Variants in CLCN1 observed in about 807,000 individuals in gnomAD.
CLCN1 encodes chloride channel protein 1.
Under a neutral mutation model 114.5 loss-of-function variants are expected in CLCN1, and 100 were observed. The observed-to-expected ratio is 0.87, with a 90% confidence interval of 0.74 to 1.03. The LOEUF is 1.03. Ranked by LOEUF, CLCN1 falls within the 50% of genes least tolerant of loss-of-function variation. The pLI is 0.00. For missense variants in CLCN1, 1,188 were observed against 1,250.0 expected (o/e 0.95, Z 0.75); for synonymous variants, 485 against 487.1 (o/e 1.00, Z 0.06).
Position 143,327,671 on chromosome 7 carries a change from T to C in CLCN1, c.854-3101T>C, listed in dbSNP as rs575467537. The stretch of plus-strand genomic sequence containing the variant: ...GGTGATTAATTTTATTTTTTTCTTT[T>C]TGAGAGAGGGCCTTGCTCTGTGGCC... On this transcript the variant is annotated intron_variant, in intron 7 of 22. Coordinates refer to ENST00000343257, the MANE Select transcript of CLCN1 (RefSeq NM_000083.3). Among the ~76,000 whole-genome samples the C allele has an allele frequency of 1.6e-4, 25 of 152,280 alleles. No homozygotes were observed. In the South Asian group the frequency reaches 5.0e-3, roughly 30 times the overall value.
chr7:143,332,055 G>C (rs1399627230), intron 10 of CLCN1, among the ~76,000 whole-genome samples: 1 of 152,056 alleles, frequency 6.6e-6, no homozygotes, highest in African/African-American at 2.4e-5. Context: ...TCTCGAACTT[G>C]TGACCTCAGG....
chr7:143,321,539 G>A lies in CLCN1; in HGVS notation c.562+46G>A, dbSNP rs577533688. ...TCGGCCTGAGCTGGGTGGCCTGAGA[G>A]GGGCCCTGTCTGTCTCCCCCATCAT... On this transcript the variant is annotated intron_variant, in intron 4 of 22. Transcript: ENST00000343257. The surrounding 1 kb of genome is among the most constrained non-coding windows in gnomAD (Gnocchi z 4.2). The A allele has an allele frequency of 1.9e-6, 3 of 1,613,400 alleles. No individual in the cohort carries two copies. The highest frequency in any genetic ancestry group is 2.2e-5 in the South Asian group (2 of 91,086).
Position 143,339,474 on chromosome 7 carries a change from T to C in CLCN1, c.1472-37T>C, listed in dbSNP as rs200759712. On this transcript the variant is annotated intron_variant, in intron 13 of 22. Coordinates refer to ENST00000343257, the MANE Select transcript of CLCN1 (RefSeq NM_000083.3). This position sits in a 1 kb window ranked among gnomAD's most constrained non-coding sequence, Gnocchi z 4.1. ...GAAAACTGAGAGCAAGGAACTTGGA[T>C]CTCGTAACACCTTCCTTCCTTTTAT... 1,470 of 1,535,448 alleles carry C rather than the reference T, an allele frequency of 9.6e-4. No homozygotes were observed. Among genetic ancestry groups the C allele is most frequent in the Non-Finnish European group, 1.2e-3 (1,375 of 1,108,232 alleles).
chr7:143,342,275 A>G, intron 15 of CLCN1, 97 bp from the exon 16 acceptor site: 1 of 1,505,312 alleles, frequency 6.6e-7, no homozygotes, highest in Non-Finnish European at 9.2e-7. Context: ...CACCTAGTAG[A>G]TATTGTGAGT....
chr7:143,316,261 GGTAGTGACCCCCA>G lies in CLCN1; in HGVS notation c.53_65del (p.Ser18ThrfsTer55), dbSNP rs1802289255. The stretch of plus-strand genomic sequence containing the variant: ...GCGTGGGGGTGAACAAAGCTGGTGG[GGTAGTGACCCCCA>G]GTACCAGTATATGCCCTTTGAACAC... On this transcript the variant is annotated frameshift_variant, in exon 1 of 23. Coordinates refer to ENST00000343257, the MANE Select transcript of CLCN1 (RefSeq NM_000083.3). LOFTEE classifies it high-confidence loss of function. 3.1e-6 allele frequency: 5 copies of G among 1,613,714 alleles called. No individual in the cohort carries two copies. The South Asian group carries it at 5.5e-5, about 18-fold the overall frequency.
In CLCN1 at chr7:143,332,814, G is replaced by A. The variant is rs200371691; in HGVS notation, c.1342G>A (p.Val448Met). The change falls in exon 12 of 23, where the codon GTG becomes ATG. Residue 448 changes from valine (V) to methionine (M), a missense_variant. Transcript: ENST00000343257. ...TCCTGAGAGCCTGGGCCAGTCAGCT[G>A]TGTGGATTCACCCCCGGGTCAACGT... ...GDPESLGQSA[V>M]WIHPRVNVVI... The A allele has an allele frequency of 3.2e-5, 51 of 1,614,192 alleles. No homozygotes were observed. The highest frequency in any genetic ancestry group is 6.7e-5 in the Admixed American group (4 of 60,018).
intron 12 of CLCN1, among the ~76,000 whole-genome samples, chr7:143,334,328 C>T (rs188403716): frequency 3.7e-4 from 56 of 152,080 alleles, no homozygotes; most frequent in Middle Eastern, 3.4e-3. Context: ...TTAGAGTTCT[C>T]ATTTATAAGT....
At chr7:143,338,614 C>T (rs1331767842) in intron 12 of CLCN1, among the ~76,000 whole-genome samples, 5 of 151,862 alleles carry the variant, frequency 3.3e-5, no homozygotes, top group Admixed American at 2.0e-4. Flanking sequence ...GGCAAAACCC[C>T]GTCTCTACTA....
In CLCN1 at chr7:143,350,751, T is replaced by G; in HGVS notation, c.2595+97T>G. 1.2e-6 allele frequency: 1 copy of G among 828,766 alleles called. No homozygotes were observed. The highest frequency in any genetic ancestry group is 2.0e-6 in the Non-Finnish European group (1 of 493,678). 51.3% of individuals were successfully genotyped at this position (828,766 alleles called of 1,614,324 possible). A position where few individuals can be genotyped will look rare whatever the true frequency, so the allele number is the denominator to read the frequency against. On this transcript the variant is annotated intron_variant, in intron 22 of 22. Coordinates refer to ENST00000343257, the MANE Select transcript of CLCN1 (RefSeq NM_000083.3). The surrounding 1 kb of genome is among the most constrained non-coding windows in gnomAD (Gnocchi z 5.1). ...AGAAGGAATATTAGCATCTCAGAAG[T>G]CCCCTCAGATTCCCTTCTCTATTTC...
intron 2 of CLCN1, among the ~76,000 whole-genome samples, chr7:143,320,367 T>C (rs1049795087): frequency 1.3e-5 from 2 of 152,106 alleles, no homozygotes; most frequent in Non-Finnish European, 2.9e-5. Flanking sequence ...GAAATGAGTT[T>C]TAGGAAGGAA....
chr7:143,337,265 T>C (rs975048055), intron 12 of CLCN1, among the ~76,000 whole-genome samples: 2 of 152,220 alleles, frequency 1.3e-5, no homozygotes, highest in African/African-American at 4.8e-5. Flanking sequence ...CCTTCCTACA[T>C]TTACTGAGCA....
Position 143,321,955 on chromosome 7 carries a change from C to G in CLCN1, c.696+107C>G. ...AGTGGAAGTGGATCAGGGGACAGGA[C>G]CAAGGCCAGGGCCAGGGGACACTAG... is the stretch of plus-strand genomic sequence containing the variant. On this transcript the variant is annotated intron_variant, in intron 5 of 22. Transcript: ENST00000343257. The surrounding 1 kb of genome is among the most constrained non-coding windows in gnomAD (Gnocchi z 4.2). 1 of 1,305,802 alleles carries G rather than the reference C, an allele frequency of 7.7e-7. No homozygotes were observed. Among genetic ancestry groups the G allele is most frequent in the South Asian group, 1.3e-5 (1 of 74,412 alleles). The allele number at this position is 1,305,802 out of a possible 1,614,324, so 80.9% of individuals were successfully genotyped here. A position where few individuals can be genotyped will look rare whatever the true frequency, so the allele number is the denominator to read the frequency against.
chr7:143,318,167 CT>C (rs1328922072), intron 1 of CLCN1, among the ~76,000 whole-genome samples: 3 of 152,020 alleles, frequency 2.0e-5, no homozygotes, highest in Non-Finnish European at 4.4e-5. Context: ...CTATTCTTCC[CT>C]TCCCCACCCT....
At chr7:143,346,330 T>C (rs981155554) in intron 18 of CLCN1, 79 bp downstream of exon 18, 32 of 967,064 alleles carry the variant, frequency 3.3e-5, no homozygotes, top group Non-Finnish European at 4.9e-5. Flanking sequence ...TTGACCTGCA[T>C]GCAATTCCTA....
chr7:143,336,390 A>G (rs916437306), intron 12 of CLCN1, among the ~76,000 whole-genome samples: 1 of 151,878 alleles, frequency 6.6e-6, no homozygotes, highest in African/African-American at 2.4e-5. Flanking sequence ...CAGGCGGATC[A>G]CCTGAGGTCA....
chr7:143,345,261 A>G (rs1163531549), intron 16 of CLCN1, among the ~76,000 whole-genome samples: 3 of 152,240 alleles, frequency 2.0e-5, no homozygotes, highest in Non-Finnish European at 4.4e-5. Flanking sequence ...TGAAGTCTAT[A>G]TAAGGCCTCA....
At chr7:143,318,893 A>G (rs1355667575) in intron 1 of CLCN1, among the ~76,000 whole-genome samples, 1 of 152,188 alleles carries the variant, frequency 6.6e-6, no homozygotes, top group Non-Finnish European at 1.5e-5. Context: ...GCGGTGTAAA[A>G]TGCTGCTCAT....
At chr7:143,320,625 G>GTTGTTTGT (rs770027057) in intron 2 of CLCN1, 39 bp from the exon 3 acceptor site, 3 of 1,512,426 alleles carry the variant, frequency 2.0e-6, no homozygotes, top group African/African-American at 1.4e-5. Context: ...TTGTTTGTTT[G>GTTGTTTGT]TTGTTTGTTT....
chr7:143,330,953 G>A (rs1802705947), intron 8 of CLCN1, 56 bp downstream of exon 8: 2 of 1,613,392 alleles, frequency 1.2e-6, no homozygotes, highest in South Asian at 2.2e-5. Flanking sequence ...TGGGAATGGG[G>A]TGCAGAGGAA....
Sources: allele counts gnomAD v4.1 joint callset (sites outside exome capture counted in the v4.1 genomes callset), GRCh38; gene constraint gnomAD v4.1.1; non-coding constraint Gnocchi (gnomAD v3.1); transcripts MANE v1.5; gene names NCBI Gene and HGNC (gene_info 2026-07-23, HGNC 2026-07-21).